The following DCLK1 variants were observed in gnomAD, a reference collection of about 807,000 sequenced individuals.
The protein encoded by DCLK1 is doublecortin like kinase 1, also known as serine/threonine-protein kinase DCLK1.
A neutral mutation model predicts 86.2 loss-of-function variants in DCLK1; 16 were observed. That is an observed-to-expected ratio of 0.19 (90% CI 0.13 to 0.28). DCLK1 has a LOEUF of 0.28. Ranked by LOEUF, DCLK1 falls within the 10% of genes least tolerant of loss-of-function variation. The pLI, the probability that DCLK1 is intolerant of heterozygous loss-of-function variation, is 1.00. For synonymous variants in DCLK1, 369 were observed against 370.5 expected (o/e 1.00, Z 0.05); for missense variants, 590 against 940.2 (o/e 0.63, Z 4.87).
At chr13:35,954,169 G>T (rs141570679) in intron 3 of DCLK1, among the ~76,000 whole-genome samples, 22 of 151,602 alleles carry the variant, frequency 1.5e-4, no homozygotes, top group African/African-American at 4.8e-4. Context: ...GTAGCTAACA[G>T]TTTAATGAGA....
chr13:35,849,006 G>T, intron 6 of DCLK1: 1 of 985,282 alleles, frequency 1.0e-6, no homozygotes, highest in Non-Finnish European at 1.2e-6. Flanking sequence ...GTATTATTAT[G>T]AACTGTTCTT....
At chr13:35,920,755 C>A (rs1276366851) in intron 4 of DCLK1, among the ~76,000 whole-genome samples, 1 of 152,032 alleles carries the variant, frequency 6.6e-6, no homozygotes, top group Non-Finnish European at 1.5e-5. Flanking sequence ...AGGAGGGACA[C>A]CTGCTCTGGG....
chr13:35,956,251 C>A (rs1390741733), intron 3 of DCLK1, among the ~76,000 whole-genome samples: 1 of 152,100 alleles, frequency 6.6e-6, no homozygotes, highest in African/African-American at 2.4e-5. Flanking sequence ...GGTGACCAAG[C>A]CCAGGAAATT....
At chr13:35,904,358 A>G (rs1282219397) in intron 4 of DCLK1, among the ~76,000 whole-genome samples, 1 of 152,006 alleles carries the variant, frequency 6.6e-6, no homozygotes, top group African/African-American at 2.4e-5. Flanking sequence ...TGCCCGGCTA[A>G]TTTTTGTATT....
At chr13:35,945,888 C>T (rs1223126211) in intron 4 of DCLK1, among the ~76,000 whole-genome samples, 1 of 152,166 alleles carries the variant, frequency 6.6e-6, no homozygotes, top group African/African-American at 2.4e-5. Flanking sequence ...AACCACTTGT[C>T]TAGTTATGGT....
chr13:36,078,215 C>T (rs1396943751), intron 3 of DCLK1, among the ~76,000 whole-genome samples: 1 of 152,154 alleles, frequency 6.6e-6, no homozygotes, highest in Admixed American at 6.5e-5. Context: ...ACTGAATCTG[C>T]CAGCACCTTG....
At chr13:36,008,170 T>TC (rs1484052681) in intron 3 of DCLK1, among the ~76,000 whole-genome samples, 2 of 10,288 alleles carry the variant, frequency 1.9e-4, no homozygotes, top group African/African-American at 7.1e-4. Flanking sequence ...GTCTCTACCA[T>TC]CTTTTTTTTT....
At chr13:35,845,073 C>A (rs1194692181) in intron 6 of DCLK1, among the ~76,000 whole-genome samples, 1 of 152,062 alleles carries the variant, frequency 6.6e-6, no homozygotes, top group Non-Finnish European at 1.5e-5. Context: ...CATGGCGAAA[C>A]CCTGTCTCTA....
chr13:35,830,500 T>C (rs1365241601), intron 8 of DCLK1, among the ~76,000 whole-genome samples: 2 of 152,240 alleles, frequency 1.3e-5, no homozygotes, highest in East Asian at 1.9e-4. Flanking sequence ...TCTAAGTAGC[T>C]TCTTCTTAAG....
chr13:35,981,944 C>T (rs1879664001), intron 3 of DCLK1, among the ~76,000 whole-genome samples: 1 of 152,146 alleles, frequency 6.6e-6, no homozygotes, highest in Non-Finnish European at 1.5e-5. Flanking sequence ...ACATCCTTGC[C>T]AACACTTGTT....
intron 3 of DCLK1, among the ~76,000 whole-genome samples, chr13:35,969,510 C>T (rs897554138): frequency 6.6e-6 from 1 of 152,178 alleles, no homozygotes; most frequent in African/African-American, 2.4e-5. Flanking sequence ...ACTCTACTGA[C>T]ACCTTGATTA....
chr13:35,799,596 A>C (rs1391441573), intron 15 of DCLK1, among the ~76,000 whole-genome samples: 1 of 152,170 alleles, frequency 6.6e-6, no homozygotes, highest in Admixed American at 6.6e-5. Flanking sequence ...AATTTGATGT[A>C]AAACATAGAT....
chr13:35,816,867 A>G (rs2087280227), intron 11 of DCLK1, among the ~76,000 whole-genome samples: 2 of 152,134 alleles, frequency 1.3e-5, no homozygotes, highest in Admixed American at 1.3e-4. Context: ...GGATAGCTAC[A>G]TATCCAGTTT....
At chr13:35,822,550 G>A (rs2087420456) in intron 11 of DCLK1, among the ~76,000 whole-genome samples, 179 bp downstream of exon 11, 1 of 152,000 alleles carries the variant, frequency 6.6e-6, no homozygotes, top group Admixed American at 6.5e-5. Flanking sequence ...GTTCTTAAGG[G>A]CGCATTAACT....
intron 3 of DCLK1, among the ~76,000 whole-genome samples, chr13:36,025,603 G>A (rs573164984): frequency 1.8e-4 from 27 of 152,254 alleles, no homozygotes; most frequent in African/African-American, 5.5e-4. Flanking sequence ...ATGAAAACAC[G>A]ATAAATTTTC....
At chr13:35,837,384 C>A (rs1239023290) in intron 7 of DCLK1, among the ~76,000 whole-genome samples, 1 of 152,140 alleles carries the variant, frequency 6.6e-6, no homozygotes, top group Non-Finnish European at 1.5e-5. Flanking sequence ...TTCCCTCTTA[C>A]CCTGCTAGAA....
chr13:36,103,473 C>T lies in DCLK1; in HGVS notation c.723+8396G>A, dbSNP rs553531266. Among the ~76,000 whole-genome samples, 30 of 150,738 alleles carry T rather than the reference C, an allele frequency of 2.0e-4. No individual in the cohort carries two copies. In the South Asian group the frequency reaches 5.7e-3, roughly 29 times the overall value. On this transcript the variant is annotated intron_variant, in intron 3 of 16. Transcript: ENST00000360631. ...ATGAGCAAGGGTCATCTTCTCAATG[C>T]GACTATGGGTAATTTTAACTTATCT...
intron 3 of DCLK1, among the ~76,000 whole-genome samples, chr13:36,094,781 A>C (rs1406713715): frequency 6.6e-6 from 1 of 152,194 alleles, no homozygotes. Flanking sequence ...AGAAGAAACA[A>C]TTTCGGGCCA....
intron 3 of DCLK1, among the ~76,000 whole-genome samples, chr13:36,015,029 TCCC>T (rs1189944192): frequency 1.3e-5 from 2 of 149,436 alleles, no homozygotes; most frequent in South Asian, 2.1e-4. Flanking sequence ...TCTCTCTCTC[TCCC>T]TATCCGCCCC....
Sources: allele counts gnomAD v4.1 joint callset (sites outside exome capture counted in the v4.1 genomes callset), GRCh38; gene constraint gnomAD v4.1.1; transcripts MANE v1.5; gene names NCBI Gene and HGNC (gene_info 2026-07-23, HGNC 2026-07-21).